The following CLASP1 variants were observed in gnomAD, a reference collection of about 807,000 sequenced individuals.
CLASP1 encodes the protein CLIP-associating protein 1.
A neutral mutation model predicts 192.3 loss-of-function variants in CLASP1; 38 were observed. The observed-to-expected ratio is 0.20, with a 90% CI of 0.15 to 0.26. The LOEUF (loss-of-function observed/expected upper bound fraction) is 0.26. Among genes scored for constraint, CLASP1 ranks in the 10% least tolerant of loss-of-function variants. The probability of loss-of-function intolerance (pLI) is 1.00; values close to 1 mark genes in which losing one functional copy is unlikely to be tolerated. For synonymous variants in CLASP1, 691 were observed against 712.8 expected (o/e 0.97, Z 0.49); for missense variants, 1,433 against 1,932.5 (o/e 0.74, Z 4.85).
chr2:121,399,582 T>A (rs1487681094), intron 28 of CLASP1, among the ~76,000 whole-genome samples: 1 of 152,180 alleles, frequency 6.6e-6, no homozygotes, highest in African/African-American at 2.4e-5. Flanking sequence ...AAACCTCCTA[T>A]TAGCAGTCGC....
intron 8 of CLASP1, among the ~76,000 whole-genome samples, chr2:121,471,591 T>C (rs376329770): frequency 3.0e-4 from 46 of 152,196 alleles, no homozygotes; most frequent in African/African-American, 9.4e-4. Context: ...AGCCAAGTCT[T>C]GTGTCTACTC....
At chr2:121,618,676 C>CA (rs35516157) in intron 1 of CLASP1, among the ~76,000 whole-genome samples, 29,107 of 151,948 alleles carry the variant, frequency 0.19, 5,018 homozygotes, top group African/African-American at 0.46. Flanking sequence ...TTTTTTAATG[C>CA]AAAAATAATA....
intron 9 of CLASP1, among the ~76,000 whole-genome samples, chr2:121,468,132 C>G (rs898802122): frequency 6.6e-6 from 1 of 152,176 alleles, no homozygotes; most frequent in African/African-American, 2.4e-5. Flanking sequence ...GTTCTCTCTT[C>G]TATTCCATTG....
intron 2 of CLASP1, among the ~76,000 whole-genome samples, chr2:121,597,459 A>G (rs1342428660): frequency 2.6e-5 from 4 of 152,120 alleles, no homozygotes; most frequent in African/African-American, 9.7e-5. Context: ...GCACGGAGAG[A>G]GAGATAGTGT....
chr2:121,382,420 T>C, intron 32 of CLASP1, 96 bp from the exon 34 acceptor site: 3 of 717,882 alleles, frequency 4.2e-6, no homozygotes, highest in Middle Eastern at 3.3e-4. Context: ...CTTAGTCTCT[T>C]CTTTCCTTGA....
intron 2 of CLASP1, among the ~76,000 whole-genome samples, chr2:121,598,456 G>A (rs553396122): frequency 9.8e-5 from 15 of 152,308 alleles, no homozygotes; most frequent in East Asian, 1.9e-4. Context: ...GCAATACAAC[G>A]ATTCATATTA....
intron 23 of CLASP1, among the ~76,000 whole-genome samples, chr2:121,417,454 G>GAAAAA (rs386391068): frequency 1.4e-5 from 2 of 141,412 alleles, no homozygotes; most frequent in African/African-American, 5.1e-5. Context: ...AGTTCATTCA[G>GAAAAA]AAAAAAAAAA....
intron 22 of CLASP1, among the ~76,000 whole-genome samples, chr2:121,420,439 TAG>T (rs957165159): frequency 6.6e-6 from 1 of 152,228 alleles, no homozygotes; most frequent in Non-Finnish European, 1.5e-5. Flanking sequence ...CACTCATCCT[TAG>T]AGAACCAATG....
At chr2:121,450,487 C>T (rs558972012) in intron 16 of CLASP1, among the ~76,000 whole-genome samples, 22 of 152,202 alleles carry the variant, frequency 1.4e-4, no homozygotes, top group African/African-American at 5.3e-4. Context: ...GATCCAACTC[C>T]CCTTAATATG....
chr2:121,469,966 C>T lies in CLASP1; in HGVS notation c.713-6G>A. On this transcript the variant is annotated splice_polypyrimidine_tract_variant and splice_region_variant and intron_variant, in intron 8 of 39. Coordinates refer to ENST00000263710, the Ensembl canonical transcript of CLASP1. ...TTCATCGTCGAAATTTTTATCTGAA[C>T]AGTAAGCACAGAAACCAACGTTTTT... The T allele has an allele frequency of 1.2e-6, 2 of 1,605,500 alleles. No homozygotes were observed. Among genetic ancestry groups the T allele is most frequent in the African/African-American group, 1.3e-5 (1 of 74,256 alleles).
chr2:121,370,694 T>G (rs1268232898), intron 34 of CLASP1, among the ~76,000 whole-genome samples: 1 of 152,170 alleles, frequency 6.6e-6, no homozygotes. Context: ...GAACAGCCAC[T>G]GCTCTGACAT....
At chr2:121,447,698 A>G (rs1003855051) in intron 18 of CLASP1, among the ~76,000 whole-genome samples, 191 bp from the exon 19 acceptor site, 1 of 152,224 alleles carries the variant, frequency 6.6e-6, no homozygotes, top group Non-Finnish European at 1.5e-5. Flanking sequence ...GGAAACTACA[A>G]GTGATCTCAA....
At chr2:121,591,762 C>T (rs765702066) in intron 2 of CLASP1, among the ~76,000 whole-genome samples, 1 of 152,162 alleles carries the variant, frequency 6.6e-6, no homozygotes, top group Admixed American at 6.5e-5. Context: ...ATCCACAAAG[C>T]TTTTAAGGAT....
chr2:121,530,585 T>A (rs1462602121), intron 2 of CLASP1: 2 of 532,536 alleles, frequency 3.8e-6, no homozygotes, highest in Admixed American at 6.5e-5. Context: ...CCGGGTTAGC[T>A]GCGGGTGGAG....
chr2:121,404,300 TG>T, intron 26 of CLASP1, 70 bp downstream of exon 27: 3 of 1,574,048 alleles, frequency 1.9e-6, no homozygotes, highest in Non-Finnish European at 2.6e-6. Flanking sequence ...CTCTCATTCT[TG>T]GGTAGTATAT....
chr2:121,610,908 AGAGGAACTGGAGGAGGAG>A (rs200857711), intron 1 of CLASP1, among the ~76,000 whole-genome samples: 351 of 125,524 alleles, frequency 2.8e-3, no homozygotes, highest in East Asian at 0.012. Flanking sequence ...TACAGGAGGA[AGAGGAACTGGAGGAGGAG>A]GAGGAGTTAC....
intron 37 of CLASP1, among the ~76,000 whole-genome samples, chr2:121,355,126 G>A (rs2065158838): frequency 1.3e-5 from 2 of 152,158 alleles, no homozygotes; most frequent in African/African-American, 4.8e-5. Context: ...TGGCCTGCAT[G>A]AAGCATTTGG....
At chr2:121,531,056 TA>T in intron 2 of CLASP1, 2 of 696,916 alleles carry the variant, frequency 2.9e-6, no homozygotes, top group Non-Finnish European at 5.2e-6. Flanking sequence ...CAGTAATTCG[TA>T]AATAAACTAG....
At chr2:121,521,620 T>C (rs1029770728) in intron 6 of CLASP1, among the ~76,000 whole-genome samples, 1 of 152,194 alleles carries the variant, frequency 6.6e-6, no homozygotes, top group Non-Finnish European at 1.5e-5. Context: ...ACTGTGCACC[T>C]GTGGCCCACT....
Sources: allele counts gnomAD v4.1 joint callset (sites outside exome capture counted in the v4.1 genomes callset), GRCh38; gene constraint gnomAD v4.1.1; transcripts MANE v1.5; gene names NCBI Gene and HGNC (gene_info 2026-07-23, HGNC 2026-07-21).